NCKAP5: variants seen among roughly 807,000 people sequenced by gnomAD.
NCKAP5 encodes the protein nck-associated protein 5.
In NCKAP5, 92 loss-of-function variants were observed where a neutral mutation model predicts 167.0. The ratio of observed to expected loss-of-function variants is 0.55; its 90% CI spans 0.47 to 0.66. The LOEUF is 0.66. Ranked by LOEUF, NCKAP5 falls within the 30% of genes least tolerant of loss-of-function variation. NCKAP5 has a pLI of 0.00. For missense variants in NCKAP5, 2,378 were observed against 2,315.0 expected, an observed-to-expected ratio of 1.03 and a Z score of -0.56; for synonymous variants, 891 against 877.4, an observed-to-expected ratio of 1.02 and a Z score of -0.27.
intron 3 of NCKAP5, among the ~76,000 whole-genome samples, chr2:133,315,824 C>G (rs981317127): frequency 6.6e-6 from 1 of 152,104 alleles, no homozygotes; most frequent in African/African-American, 2.4e-5. Context: ...TTTCCAAATA[C>G]CTCACTTGGG....
intron 11 of NCKAP5, among the ~76,000 whole-genome samples, chr2:132,815,569 G>A (rs1326888530): frequency 1.3e-5 from 2 of 152,200 alleles, no homozygotes; most frequent in Non-Finnish European, 2.9e-5. Context: ...GCTATTTGGT[G>A]TGGGATGGTA....
chr2:133,372,583 T>C (rs915783300), intron 3 of NCKAP5, among the ~76,000 whole-genome samples: 6 of 152,202 alleles, frequency 3.9e-5, no homozygotes, highest in African/African-American at 1.4e-4. Context: ...CTTGGGAATA[T>C]CTTTGAGGTT....
intron 12 of NCKAP5, among the ~76,000 whole-genome samples, chr2:132,791,250 G>A (rs887598772): frequency 3.9e-5 from 6 of 152,148 alleles, no homozygotes; most frequent in African/African-American, 1.4e-4. Context: ...CAGCAGACAC[G>A]AAACTCAGGT....
intron 16 of NCKAP5, among the ~76,000 whole-genome samples, chr2:132,732,725 A>G (rs1691149502): frequency 6.6e-6 from 1 of 152,244 alleles, no homozygotes; most frequent in Non-Finnish European, 1.5e-5. Flanking sequence ...ATGAGTAATG[A>G]GAACACATAA....
chr2:133,203,427 T>G (rs1237194484), intron 5 of NCKAP5, among the ~76,000 whole-genome samples: 3 of 152,062 alleles, frequency 2.0e-5, no homozygotes, highest in Non-Finnish European at 4.4e-5. Context: ...CATTAGGAGA[T>G]ACACCTAATG....
chr2:133,103,797 A>G (rs747028452), intron 6 of NCKAP5, among the ~76,000 whole-genome samples: 5 of 152,274 alleles, frequency 3.3e-5, no homozygotes, highest in Admixed American at 1.3e-4. Flanking sequence ...CAATCAATCA[A>G]TGAAAGCTGT....
intron 11 of NCKAP5, among the ~76,000 whole-genome samples, chr2:132,797,428 A>C (rs146716741): frequency 0.018 from 2,693 of 152,284 alleles, 83 homozygotes; most frequent in African/African-American, 0.061. Flanking sequence ...TTTTCTGTGG[A>C]CATTAAATTT....
intron 19 of NCKAP5, among the ~76,000 whole-genome samples, chr2:132,715,200 T>C (rs1318139499): frequency 6.6e-6 from 1 of 152,210 alleles, no homozygotes; most frequent in Non-Finnish European, 1.5e-5. Flanking sequence ...TTTTTCCTCT[T>C]GCACATGATA....
At chr2:133,429,379 T>G (rs1172404814) in intron 3 of NCKAP5, among the ~76,000 whole-genome samples, 1 of 151,966 alleles carries the variant, frequency 6.6e-6, no homozygotes, top group Non-Finnish European at 1.5e-5. Context: ...TGCTGAGGTT[T>G]GAGATTCTAA....
At chr2:133,330,991 C>T (rs1682815572) in intron 3 of NCKAP5, among the ~76,000 whole-genome samples, 1 of 152,198 alleles carries the variant, frequency 6.6e-6, no homozygotes, top group Admixed American at 6.5e-5. Context: ...CACACTCCCA[C>T]TGTACCATGT....
At chr2:132,842,728 T>G (rs1352141259) in intron 11 of NCKAP5, among the ~76,000 whole-genome samples, 1 of 114,868 alleles carries the variant, frequency 8.7e-6, no homozygotes, top group African/African-American at 3.0e-5. Flanking sequence ...TCTTTTTCAT[T>G]TTTTTTTCAC....
intron 6 of NCKAP5, among the ~76,000 whole-genome samples, chr2:133,046,089 T>G (rs1201505641): frequency 6.6e-6 from 1 of 152,196 alleles, no homozygotes; most frequent in African/African-American, 2.4e-5. Context: ...AAGAGTGCCA[T>G]TTAAAACTGA....
intron 1 of NCKAP5, among the ~76,000 whole-genome samples, chr2:133,561,871 T>C (rs1004078795): frequency 2.6e-5 from 4 of 152,176 alleles, no homozygotes; most frequent in African/African-American, 9.7e-5. Context: ...CTTAGAAAAC[T>C]AAGTAAATAT....
At chr2:132,718,382 G>A (rs75616442) in intron 19 of NCKAP5, among the ~76,000 whole-genome samples, 1,806 of 152,184 alleles carry the variant, frequency 0.012, 33 homozygotes, top group African/African-American at 0.041. Context: ...CTTTCATAAC[G>A]GGTGTGATGC....
intron 3 of NCKAP5, among the ~76,000 whole-genome samples, chr2:133,426,637 G>A (rs1465321579): frequency 6.6e-6 from 1 of 152,108 alleles, no homozygotes; most frequent in Admixed American, 6.6e-5. Context: ...TATACCTTGT[G>A]ACCAAGCAGG....
intron 4 of NCKAP5, among the ~76,000 whole-genome samples, chr2:133,225,286 T>C (rs2086833117): frequency 6.6e-6 from 1 of 152,208 alleles, no homozygotes; most frequent in Non-Finnish European, 1.5e-5. Flanking sequence ...CTAAGGAGCA[T>C]TACATACCTG....
intron 5 of NCKAP5, among the ~76,000 whole-genome samples, chr2:133,198,845 C>CA (rs1319775292): frequency 2.0e-5 from 3 of 151,966 alleles, no homozygotes; most frequent in African/African-American, 7.2e-5. Flanking sequence ...TGGAAACGAA[C>CA]AAAGTTCTTT....
intron 6 of NCKAP5, among the ~76,000 whole-genome samples, chr2:133,103,835 T>G (rs1035433787): frequency 7.9e-5 from 12 of 152,190 alleles, no homozygotes; most frequent in Non-Finnish European, 1.8e-4. Flanking sequence ...ATGCTGGTTT[T>G]GGCTCTTCCT....
At chr2:133,602,127 T>C in the NCKAP5 span, among the ~76,000 whole-genome samples, 1 of 152,208 alleles carries the variant, frequency 6.6e-6, no homozygotes, top group East Asian at 1.9e-4. Flanking sequence ...TTCTGGGAAG[T>C]GCCTCGAGGA....
Sources: allele counts gnomAD v4.1 joint callset (sites outside exome capture counted in the v4.1 genomes callset), GRCh38; gene constraint gnomAD v4.1.1; transcripts MANE v1.5; gene names NCBI Gene and HGNC (gene_info 2026-07-23, HGNC 2026-07-21).